Variants in CAMTA2 observed in about 807,000 individuals in gnomAD.
The protein encoded by CAMTA2 is calmodulin-binding transcription activator 2.
A neutral mutation model predicts 135.7 loss-of-function variants in CAMTA2; 56 were observed. That is an observed-to-expected ratio of 0.41 (90% CI 0.33 to 0.52). The LOEUF (loss-of-function observed/expected upper bound fraction) is 0.52. Ranked by LOEUF, CAMTA2 falls within the 20% of genes least tolerant of loss-of-function variation. CAMTA2 has a pLI of 0.16. For missense variants in CAMTA2, 1,358 were observed against 1,553.4 expected (o/e 0.87, Z 2.11); for synonymous variants, 591 against 604.6 (o/e 0.98, Z 0.33).
At chr17:4,986,703 C>G in intron 1 of CAMTA2, 1 of 548,240 alleles carries the variant, frequency 1.8e-6, no homozygotes, top group Non-Finnish European at 3.2e-6. Context: ...ATTCTACCTC[C>G]GGTAGAAGCT....
chr17:4,968,694 GCCCTCTCCCTGTTAAGA>G lies in CAMTA2; in HGVS notation c.*45_*61del. 6.3e-7 allele frequency: 1 copy of G among 1,598,186 alleles called. No individual in the cohort carries two copies. Among genetic ancestry groups the G allele is most frequent in the Non-Finnish European group, 8.6e-7 (1 of 1,168,470 alleles). ...ACAGGGGCTCCCCCTGCCCCAGAAA[GCCCTCTCCCTGTTAAGA>G]CTGCACGAGGCGCCCCCAGGGTGGT... is the stretch of plus-strand genomic sequence containing the variant. On this transcript the variant is annotated 3_prime_UTR_variant, in exon 23 of 23. Coordinates refer to ENST00000348066, the MANE Select transcript of CAMTA2 (RefSeq NM_015099.4).
At position 4,981,734 on chromosome 17, in the gene CAMTA2, C is replaced by T. The variant is rs756928273; in HGVS notation, c.509G>A (p.Arg170His). 20 of 1,613,456 alleles carry T rather than the reference C, an allele frequency of 1.2e-5. No homozygotes were observed. Among genetic ancestry groups the T allele is most frequent in the East Asian group, 2.2e-5 (1 of 44,878 alleles). The change falls in exon 7 of 23, where the codon CGT becomes CAT. Residue 170 changes from arginine to histidine, a missense_variant. By Grantham distance (29) the Arg-to-His change is conservative (BLOSUM62 0). This residue lies in a region of CAMTA2 where 1,077 missense variants were observed against 1,127.5 expected (regional missense o/e 0.96). Transcript: ENST00000348066. ...SPIFCSISSD[R>H]REWLKWSREE... ...CCGGGACCACTTCAGCCACTCTCGACGGTCGCTGCTGATGGAACAAAAGAT... is the reference window on the plus strand; with the variant it reads ...CCGGGACCACTTCAGCCACTCTCGATGGTCGCTGCTGATGGAACAAAAGAT...
At chr17:4,976,320 T>C (rs1025047887) in intron 11 of CAMTA2, among the ~76,000 whole-genome samples, 28 of 152,242 alleles carry the variant, frequency 1.8e-4, no homozygotes, top group African/African-American at 6.8e-4. Context: ...ATTTTTATTT[T>C]CTATTTTGTG....
Position 4,980,396 on chromosome 17 carries a change from G to A in CAMTA2, c.926C>T (p.Pro309Leu), listed in dbSNP as rs749205617. ...SGFAEPLEIR[P>L]SPPTSRGGSS... The stretch of plus-strand genomic sequence containing the variant: ...ACCCCCTCGAGAAGTGGGAGGGCTA[G>A]GTCTGATTTCTAGGGGCTCTGCAAA... Residue 309 changes from proline to leucine, a missense_variant, in exon 9 of 23, where the codon CCT (proline) becomes CTT (leucine). Around this residue, in one of 4 missense-constraint regions of CAMTA2, gnomAD observed 1,077 missense variants for 1,127.5 expected, o/e 0.96. Transcript: ENST00000348066. This position sits in a 1 kb window ranked among gnomAD's most constrained non-coding sequence, Gnocchi z 5.3. 6.2e-7 allele frequency: 1 copy of A among 1,614,088 alleles called. No homozygotes were observed. Among genetic ancestry groups the A allele is most frequent in the Non-Finnish European group, 8.5e-7 (1 of 1,179,978 alleles).
At chr17:4,977,344 C>G in intron 10 of CAMTA2, 152 bp from the exon 11 acceptor site, 1 of 868,850 alleles carries the variant, frequency 1.2e-6, no homozygotes, top group South Asian at 1.8e-5. Context: ...TTGGCACTAA[C>G]TGGGAAGGGA....
chr17:4,974,250 C>T lies in CAMTA2; in HGVS notation c.2016+135G>A, dbSNP rs780365692. ...CAAGGTGGGGATGGGAACAGGGTGA[C>T]GTCAGGGAGAGGGAAGACAGGCTGA... On this transcript the variant is annotated intron_variant, in intron 12 of 22. Transcript: ENST00000348066. 12 of 650,090 alleles carry T rather than the reference C, an allele frequency of 1.8e-5. 1 individual carries two copies. The highest frequency in any genetic ancestry group is 7.0e-5 in the South Asian group (4 of 57,026). The allele number at this position is 650,090 out of a possible 1,614,324, so 40.3% of individuals were successfully genotyped here.
intron 1 of CAMTA2, chr17:4,986,715 G>A: frequency 3.6e-6 from 2 of 554,480 alleles, no homozygotes; most frequent in South Asian, 2.2e-5. Context: ...GTAGAAGCTA[G>A]GCCTTTAGAA....
intron 1 of CAMTA2, 112 bp downstream of exon 1, chr17:4,987,481 G>A (rs1973432565): frequency 2.9e-6 from 4 of 1,397,420 alleles, no homozygotes; most frequent in Non-Finnish European, 2.8e-6. Flanking sequence ...AGGTGAGGGC[G>A]AACCGGGAAG....
At position 4,969,785 on chromosome 17, in the gene CAMTA2, G is replaced by T; in HGVS notation, c.3190-84C>A. 1 of 1,593,852 alleles carries T rather than the reference G, an allele frequency of 6.3e-7. No homozygotes were observed. Among genetic ancestry groups the T allele is most frequent in the South Asian group, 1.1e-5 (1 of 90,388 alleles). ...CCTTCAACTTTCCTGGGGTTCCCCT[G>T]ACCCTTTACCCCATCCAAGGCCTGT... On this transcript the variant is annotated intron_variant, in intron 18 of 22. Coordinates refer to ENST00000348066, the MANE Select transcript of CAMTA2 (RefSeq NM_015099.4). This position sits in a 1 kb window ranked among gnomAD's most constrained non-coding sequence, Gnocchi z 5.6.
chr17:4,979,529 A>G (rs1597757773), intron 9 of CAMTA2, 155 bp downstream of exon 9: 3 of 438,470 alleles, frequency 6.8e-6, no homozygotes, highest in Non-Finnish European at 8.0e-6. Flanking sequence ...AAAAAAAAAA[A>G]GAGAGAGATT....
intron 22 of CAMTA2, 43 bp from the exon 23 acceptor site, chr17:4,968,862 C>A: frequency 6.2e-7 from 1 of 1,612,510 alleles, no homozygotes; most frequent in African/African-American, 1.3e-5. Flanking sequence ...TGGCGGATCA[C>A]GACGGGTGGC....
intron 12 of CAMTA2, 101 bp downstream of exon 12, chr17:4,974,284 G>T: frequency 1.3e-6 from 1 of 747,902 alleles, no homozygotes; most frequent in East Asian, 2.6e-5. Context: ...GAGGAGGCTG[G>T]GGACAGGAGA....
chr17:4,972,240 C>G lies in CAMTA2; in HGVS notation c.2800G>C (p.Val934Leu). ...ATCAATATAAGCAGTACCGGGATCACATCCACAGCCTGTGGGCTGTCAGCG... is the reference window on the plus strand; with the variant it reads ...ATCAATATAAGCAGTACCGGGATCAGATCCACAGCCTGTGGGCTGTCAGCG... The part of the protein sequence containing the change: ...EDADSPQAVD[V>L]IPVDMISLAK... The change falls in exon 16 of 23, where the codon GTG becomes CTG. Residue 934 changes from valine (V) to leucine (L), a missense_variant. Physicochemically the swap from Val to Leu is conservative, Grantham distance 32 (BLOSUM62 1). Coordinates refer to ENST00000348066, the MANE Select transcript of CAMTA2 (RefSeq NM_015099.4). 6.2e-7 allele frequency: 1 copy of G among 1,613,664 alleles called. No homozygotes were observed. Among genetic ancestry groups the G allele is most frequent in the African/African-American group, 1.3e-5 (1 of 75,058 alleles).
chr17:4,986,872 C>T, intron 1 of CAMTA2: 1 of 1,174,622 alleles, frequency 8.5e-7, no homozygotes, highest in East Asian at 2.6e-5. Context: ...CAGGACAACC[C>T]ACCCTCCGGC....
At chr17:4,985,791 G>A in intron 3 of CAMTA2, 89 bp downstream of exon 3, 2 of 812,930 alleles carry the variant, frequency 2.5e-6, no homozygotes, top group South Asian at 2.7e-5. Context: ...GCACTTAGGA[G>A]TGTTGACAGA....
chr17:4,971,422 C>T (rs887132302), intron 16 of CAMTA2, among the ~76,000 whole-genome samples: 3 of 152,192 alleles, frequency 2.0e-5, no homozygotes, highest in Admixed American at 2.0e-4. Context: ...CAGCTCACTG[C>T]AACCTCATAT....
In CAMTA2 at chr17:4,973,772, G is replaced by C; in HGVS notation, c.2017-3C>G. 6.2e-7 allele frequency: 1 copy of C among 1,601,870 alleles called. No homozygotes were observed. The highest frequency in any genetic ancestry group is 8.5e-7 in the Non-Finnish European group (1 of 1,172,516). ...AACCCAGGCCCCTGGCCTTCATCCT[G>C]CGATATACACACTCTTAGGCAGAGA... On this transcript the variant is annotated splice_polypyrimidine_tract_variant and splice_region_variant and intron_variant, in intron 12 of 22. Transcript: ENST00000348066.
chr17:4,971,032 G>T (rs1478181160), intron 16 of CAMTA2, among the ~76,000 whole-genome samples: 1 of 152,178 alleles, frequency 6.6e-6, no homozygotes. Context: ...CAACCTACTT[G>T]TGGAGTTCCC....
In CAMTA2 at chr17:4,969,766, A is replaced by T. The variant is rs780183266; in HGVS notation, c.3190-65T>A. On this transcript the variant is annotated intron_variant, in intron 18 of 22. Transcript: ENST00000348066. This position sits in a 1 kb window ranked among gnomAD's most constrained non-coding sequence, Gnocchi z 5.6. Reference sequence around the variant, plus strand: ...ATGGCATATCTGACTTGTCCCTTCAACTTTCCTGGGGTTCCCCTGACCCTT... The same window carrying T: ...ATGGCATATCTGACTTGTCCCTTCATCTTTCCTGGGGTTCCCCTGACCCTT... 1 of 1,605,258 alleles carries T rather than the reference A, an allele frequency of 6.2e-7. No homozygotes were observed. Among genetic ancestry groups the T allele is most frequent in the South Asian group, 1.1e-5 (1 of 90,882 alleles).
Sources: allele counts gnomAD v4.1 joint callset (sites outside exome capture counted in the v4.1 genomes callset), GRCh38; gene constraint gnomAD v4.1.1; regional missense constraint gnomAD v4.1.1; non-coding constraint Gnocchi (gnomAD v3.1); transcripts MANE v1.5; gene names NCBI Gene and HGNC (gene_info 2026-07-23, HGNC 2026-07-21).